Variants in KCNQ3 observed in about 807,000 individuals in gnomAD.
KCNQ3 encodes potassium voltage-gated channel subfamily KQT member 3.
KCNQ3 carries 30 observed loss-of-function variants against 92.5 expected under a neutral mutation model. The observed-to-expected ratio is 0.32, with a 90% CI of 0.24 to 0.44. The LOEUF is 0.44. Ranked by LOEUF, KCNQ3 falls within the 20% of genes least tolerant of loss-of-function variation. KCNQ3 has a pLI of 1.00. For missense variants in KCNQ3, 913 were observed against 1,140.3 expected, an observed-to-expected ratio of 0.80 and a Z score of 2.87; for synonymous variants, 450 against 468.8, an observed-to-expected ratio of 0.96 and a Z score of 0.52.
chr8:132,419,910 G>A (rs370838590), intron 1 of KCNQ3, among the ~76,000 whole-genome samples: 1 of 152,178 alleles, frequency 6.6e-6, no homozygotes, highest in Admixed American at 6.5e-5. Context: ...AGGATAAAAC[G>A]AACAGCACTC....
chr8:132,407,590 T>C (rs1820525571), intron 1 of KCNQ3, among the ~76,000 whole-genome samples: 1 of 152,198 alleles, frequency 6.6e-6, no homozygotes, highest in Non-Finnish European at 1.5e-5. Flanking sequence ...TGACCGTCTT[T>C]GGTGCTGTTC....
At chr8:132,247,528 T>C (rs577087410) in intron 1 of KCNQ3, among the ~76,000 whole-genome samples, 40 of 152,218 alleles carry the variant, frequency 2.6e-4, no homozygotes, top group African/African-American at 9.6e-4. Context: ...GGCTCACGCC[T>C]GTAATCTCAG....
At chr8:132,340,224 C>G (rs1320122331) in intron 1 of KCNQ3, among the ~76,000 whole-genome samples, 2 of 152,148 alleles carry the variant, frequency 1.3e-5, no homozygotes, top group Non-Finnish European at 2.9e-5. Context: ...GGATCTGGAA[C>G]CAGAAATACT....
At chr8:132,340,788 A>C (rs1471706339) in intron 1 of KCNQ3, among the ~76,000 whole-genome samples, 2 of 152,216 alleles carry the variant, frequency 1.3e-5, no homozygotes, top group Admixed American at 1.3e-4. Context: ...AGTAAAATAA[A>C]ATAAAAAAAG....
chr8:132,153,442 C>T (rs1003845716), intron 9 of KCNQ3, among the ~76,000 whole-genome samples: 3 of 152,146 alleles, frequency 2.0e-5, no homozygotes, highest in Admixed American at 1.3e-4. Flanking sequence ...ATGCAACCCC[C>T]CAAGACACAT....
intron 12 of KCNQ3, among the ~76,000 whole-genome samples, chr8:132,136,321 CAT>C (rs1168503122): frequency 1.3e-5 from 2 of 152,080 alleles, no homozygotes; most frequent in African/African-American, 4.8e-5. Flanking sequence ...AAATCTCACA[CAT>C]GTCAGAGAGT....
chr8:132,229,115 G>A (rs577489048), intron 1 of KCNQ3, among the ~76,000 whole-genome samples: 74 of 152,258 alleles, frequency 4.9e-4, no homozygotes, highest in Admixed American at 1.0e-3. Context: ...TTAGCTGGGC[G>A]TGGTGGCACA....
At chr8:132,310,317 C>T (rs1586916495) in intron 1 of KCNQ3, among the ~76,000 whole-genome samples, 1 of 152,320 alleles carries the variant, frequency 6.6e-6, no homozygotes, top group South Asian at 2.1e-4. Context: ...CTCCATGTAA[C>T]ATAAAGATCC....
chr8:132,468,658 A>C (rs1402685536), intron 1 of KCNQ3, among the ~76,000 whole-genome samples: 2 of 152,230 alleles, frequency 1.3e-5, no homozygotes, highest in African/African-American at 4.8e-5. Context: ...ATTAGTTATT[A>C]CTAATATGCT....
At chr8:132,173,467 T>G (rs1159796092) in intron 6 of KCNQ3, among the ~76,000 whole-genome samples, 2 of 152,112 alleles carry the variant, frequency 1.3e-5, no homozygotes, top group Non-Finnish European at 2.9e-5. Flanking sequence ...GCTTCATGAT[T>G]AAGAGCCAGG....
At chr8:132,311,412 C>T (rs778657661) in intron 1 of KCNQ3, among the ~76,000 whole-genome samples, 2 of 152,068 alleles carry the variant, frequency 1.3e-5, no homozygotes, top group Non-Finnish European at 2.9e-5. Context: ...AGTAAGCAAA[C>T]AGAATTGGAG....
intron 1 of KCNQ3, among the ~76,000 whole-genome samples, chr8:132,319,950 A>G (rs960879584): frequency 3.9e-5 from 6 of 152,192 alleles, no homozygotes; most frequent in Non-Finnish European, 7.3e-5. Flanking sequence ...CACAGCACCT[A>G]TGGTGGCTAG....
chr8:132,385,924 C>A (rs868493817), intron 1 of KCNQ3, among the ~76,000 whole-genome samples: 4 of 148,122 alleles, frequency 2.7e-5, no homozygotes, highest in Admixed American at 6.6e-5. Flanking sequence ...CCTTAAAACA[C>A]TCTATCCGGG....
In KCNQ3 at chr8:132,324,228, CT is replaced by C. The variant is rs200684068; in HGVS notation, c.387-138048del. On this transcript the variant is annotated intron_variant, in intron 1 of 14. Transcript: ENST00000388996. The stretch of plus-strand genomic sequence containing the variant: ...CGTCAGCATGGTCAGTTCACCTATT[CT>C]CCTCCTTTAGCTTATACATGCTTCA... Among the ~76,000 whole-genome samples the C allele has an allele frequency of 7.6e-3, 1,155 of 152,290 alleles. 16 individuals carry two copies. Among genetic ancestry groups the C allele is most frequent in the African/African-American group, 0.026 (1,096 of 41,572 alleles).
intron 1 of KCNQ3, among the ~76,000 whole-genome samples, chr8:132,262,433 TC>T (rs1474661393): frequency 6.6e-6 from 1 of 152,158 alleles, no homozygotes; most frequent in Admixed American, 6.5e-5. Flanking sequence ...ATCTCAGCAA[TC>T]AAGGTAAATA....
At chr8:132,324,988 T>G (rs1322928715) in intron 1 of KCNQ3, among the ~76,000 whole-genome samples, 1 of 152,100 alleles carries the variant, frequency 6.6e-6, no homozygotes, top group Non-Finnish European at 1.5e-5. Flanking sequence ...CTAGTTAGTT[T>G]TTTTTTTTTT....
intron 1 of KCNQ3, among the ~76,000 whole-genome samples, chr8:132,427,791 GA>G (rs1050735093): frequency 1.3e-5 from 2 of 152,198 alleles, no homozygotes; most frequent in African/African-American, 4.8e-5. Context: ...AGGAGCAACT[GA>G]AACAGCAGCT....
intron 1 of KCNQ3, among the ~76,000 whole-genome samples, chr8:132,233,537 C>T (rs1412099509): frequency 6.6e-6 from 1 of 152,178 alleles, no homozygotes; most frequent in East Asian, 1.9e-4. Context: ...AGCATTGACT[C>T]ATGGCTAATA....
At chr8:132,297,015 A>C (rs1817052633) in intron 1 of KCNQ3, among the ~76,000 whole-genome samples, 2 of 152,036 alleles carry the variant, frequency 1.3e-5, no homozygotes, top group Admixed American at 1.3e-4. Context: ...AACAGTGTAA[A>C]AGTGTTCCTA....
Sources: allele counts gnomAD v4.1 joint callset (sites outside exome capture counted in the v4.1 genomes callset), GRCh38; gene constraint gnomAD v4.1.1; transcripts MANE v1.5; gene names NCBI Gene and HGNC (gene_info 2026-07-23, HGNC 2026-07-21).